The following GPC5 variants were observed in gnomAD, a reference collection of about 807,000 sequenced individuals.
GPC5 encodes glypican 5.
In GPC5, 47 loss-of-function variants were observed where a neutral mutation model predicts 53.9. The ratio of observed to expected loss-of-function variants is 0.87; its 90% CI spans 0.69 to 1.11. The LOEUF is 1.11. Among genes scored for constraint, GPC5 ranks in the 50% most tolerant of loss-of-function variants. GPC5 has a pLI of 0.00. For missense variants in GPC5, 748 were observed against 713.1 expected (o/e 1.05, Z -0.56); for synonymous variants, 286 against 263.3 (o/e 1.09, Z -0.84).
chr13:92,001,476 A>G (rs1424053121), intron 6 of GPC5, among the ~76,000 whole-genome samples: 1 of 152,176 alleles, frequency 6.6e-6, no homozygotes, highest in African/African-American at 2.4e-5. Context: ...TTACTTTTCC[A>G]AGTTTCTCTC....
intron 4 of GPC5, among the ~76,000 whole-genome samples, chr13:91,746,279 AGT>A (rs1186962783): frequency 6.6e-6 from 1 of 152,148 alleles, no homozygotes; most frequent in Non-Finnish European, 1.5e-5. Flanking sequence ...ATTTTCAAAC[AGT>A]GTGCTAGGCA....
At chr13:92,704,092 A>C (rs1887860023) in intron 7 of GPC5, among the ~76,000 whole-genome samples, 1 of 152,060 alleles carries the variant, frequency 6.6e-6, no homozygotes, top group African/African-American at 2.4e-5. Flanking sequence ...CACTGAAGTC[A>C]TTTCTCTCAT....
At chr13:92,494,564 CAT>C (rs909357908) in intron 7 of GPC5, among the ~76,000 whole-genome samples, 5 of 152,140 alleles carry the variant, frequency 3.3e-5, no homozygotes, top group African/African-American at 7.2e-5. Context: ...TTTTGAAAAA[CAT>C]ATATAAATCG....
chr13:92,560,588 C>T (rs76295772), intron 7 of GPC5, among the ~76,000 whole-genome samples: 3,152 of 152,018 alleles, frequency 0.021, 115 homozygotes, highest in African/African-American at 0.071. Context: ...TCCATATCCC[C>T]GGCATATACA....
chr13:92,753,091 T>C (rs1874663004), intron 7 of GPC5, among the ~76,000 whole-genome samples: 2 of 152,202 alleles, frequency 1.3e-5, no homozygotes, highest in South Asian at 4.1e-4. Flanking sequence ...AATGTCCCTC[T>C]GACAGCTTTG....
chr13:92,434,816 C>T (rs542074437), intron 7 of GPC5, among the ~76,000 whole-genome samples: 86 of 152,280 alleles, frequency 5.6e-4, no homozygotes, highest in African/African-American at 2.1e-3. Context: ...TGGGTTTCCA[C>T]AGAGGAACCT....
chr13:91,934,365 T>G (rs2039850383), intron 6 of GPC5, among the ~76,000 whole-genome samples: 1 of 151,856 alleles, frequency 6.6e-6, no homozygotes, highest in Non-Finnish European at 1.5e-5. Flanking sequence ...TTTTTGGGGG[T>G]AGGCTCAGGC....
At chr13:91,778,196 A>G (rs1190789916) in intron 5 of GPC5, among the ~76,000 whole-genome samples, 1 of 152,224 alleles carries the variant, frequency 6.6e-6, no homozygotes, top group African/African-American at 2.4e-5. Flanking sequence ...GGCCAAATTT[A>G]GACTTTTGTT....
intron 7 of GPC5, among the ~76,000 whole-genome samples, chr13:92,514,288 A>G (rs911957574): frequency 6.6e-6 from 1 of 152,024 alleles, no homozygotes; most frequent in African/African-American, 2.4e-5. Context: ...TCTAAGCTGG[A>G]AGACTAAGAA....
At chr13:91,786,652 C>T (rs2037884438) in intron 5 of GPC5, among the ~76,000 whole-genome samples, 1 of 152,066 alleles carries the variant, frequency 6.6e-6, no homozygotes, top group African/African-American at 2.4e-5. Flanking sequence ...AATATTTCTC[C>T]TATATCTTAT....
intron 1 of GPC5, among the ~76,000 whole-genome samples, chr13:91,437,711 G>A (rs1201521409): frequency 6.6e-6 from 1 of 152,176 alleles, no homozygotes; most frequent in Admixed American, 6.5e-5. Context: ...GGCCTGCATT[G>A]CTAGACTGGG....
rs149784175 is a variant in GPC5 at position 92,135,583 on chromosome 13, T to C, written c.1402-9247T>C. ...AATGGAGAGACATACAGGATTTTCT[T>C]ATGGGAAAAAGAACAAATAACCTCT... On this transcript the variant is annotated intron_variant, in intron 6 of 7. Coordinates refer to ENST00000377067, the MANE Select transcript of GPC5 (RefSeq NM_004466.6). Among the ~76,000 whole-genome samples, 34 of 152,236 alleles carry C rather than the reference T, an allele frequency of 2.2e-4. No homozygotes were observed. The East Asian group carries it at 6.2e-3, about 28-fold the overall frequency.
intron 6 of GPC5, among the ~76,000 whole-genome samples, chr13:92,039,443 A>G (rs1480813485): frequency 2.6e-5 from 4 of 152,186 alleles, no homozygotes; most frequent in African/African-American, 9.7e-5. Context: ...AAATTTTACA[A>G]TAATGATTAG....
intron 2 of GPC5, among the ~76,000 whole-genome samples, chr13:91,596,207 AT>A (rs1223607396): frequency 5.3e-5 from 8 of 152,120 alleles, no homozygotes; most frequent in African/African-American, 1.4e-4. Flanking sequence ...TTTGATATAT[AT>A]TTTTTCATTC....
At chr13:91,531,117 A>C (rs1258648321) in intron 2 of GPC5, among the ~76,000 whole-genome samples, 3 of 152,204 alleles carry the variant, frequency 2.0e-5, no homozygotes, top group African/African-American at 7.2e-5. Flanking sequence ...CATAATACTG[A>C]AAGAGTAGTC....
rs545657438 is a variant in GPC5 at position 92,579,458 on chromosome 13, A to G, written c.1562-286824A>G. The stretch of plus-strand genomic sequence containing the variant: ...ACAGGATACACTTGCTCTATTTGAG[A>G]TAATCAGGCAAGTATTCCTGATTAC... On this transcript the variant is annotated intron_variant, in intron 7 of 7. Coordinates refer to ENST00000377067, the MANE Select transcript of GPC5 (RefSeq NM_004466.6). Among the ~76,000 whole-genome samples the G allele has an allele frequency of 2.0e-5, 3 of 152,048 alleles. No homozygotes were observed. The South Asian group carries it at 6.2e-4, about 32-fold the overall frequency.
chr13:91,829,461 T>A (rs1044824621), intron 5 of GPC5, among the ~76,000 whole-genome samples: 2 of 152,120 alleles, frequency 1.3e-5, no homozygotes, highest in African/African-American at 4.8e-5. Context: ...TTAAATTTTT[T>A]GATTTTGGTT....
chr13:92,856,452 C>T (rs1879002120), intron 7 of GPC5, among the ~76,000 whole-genome samples: 3 of 152,056 alleles, frequency 2.0e-5, no homozygotes, highest in African/African-American at 7.2e-5. Context: ...CGTCTACTCT[C>T]TCTACTCCTA....
intron 7 of GPC5, among the ~76,000 whole-genome samples, chr13:92,630,763 C>A (rs1467524819): frequency 2.6e-5 from 4 of 152,088 alleles, no homozygotes; most frequent in Admixed American, 2.6e-4. Context: ...CATATGCTGG[C>A]CTCTGGTGTC....
Sources: allele counts gnomAD v4.1 joint callset (sites outside exome capture counted in the v4.1 genomes callset), GRCh38; gene constraint gnomAD v4.1.1; transcripts MANE v1.5; gene names NCBI Gene and HGNC (gene_info 2026-07-23, HGNC 2026-07-21).